Variants in PTPN11 observed in about 807,000 individuals in gnomAD.
The protein encoded by PTPN11 is protein tyrosine phosphatase non-receptor type 11.
A neutral mutation model predicts 78.8 loss-of-function variants in PTPN11; 6 were observed. The observed-to-expected ratio is 0.08, with a 90% CI of 0.04 to 0.15. The LOEUF is 0.15. Among genes scored for constraint, PTPN11 ranks in the 10% least tolerant of loss-of-function variants. The pLI is 1.00. For missense variants in PTPN11, 386 were observed against 744.8 expected (o/e 0.52, Z 5.61); for synonymous variants, 221 against 263.5 (o/e 0.84, Z 1.56).
rs375109762 is a variant in PTPN11 at position 112,488,526 on chromosome 12, G to T, written c.1447+16G>T. ...AGAGAGAAAGGTGGGTCATCTGGTG[G>T]GCAAGAAGCGACAGTTTCTGTTTTT... On this transcript the variant is annotated intron_variant, in intron 12 of 15. Coordinates refer to ENST00000351677, the MANE Select transcript of PTPN11 (RefSeq NM_002834.5). 4.4e-5 allele frequency: 70 copies of T among 1,584,926 alleles called. No individual in the cohort carries two copies. Among genetic ancestry groups the T allele is most frequent in the Non-Finnish European group, 5.7e-5 (66 of 1,153,554 alleles).
chr12:112,495,129 C>T (rs566479693), intron 13 of PTPN11, among the ~76,000 whole-genome samples: 19 of 152,274 alleles, frequency 1.2e-4, no homozygotes, highest in Non-Finnish European at 2.2e-4. Context: ...CATCCACTTT[C>T]CCCTGAAGTT....
At chr12:112,442,834 A>T (rs1210058612) in intron 1 of PTPN11, among the ~76,000 whole-genome samples, 3 of 22,506 alleles carry the variant, frequency 1.3e-4, no homozygotes, top group African/African-American at 5.5e-4. Context: ...CTCTTTTTAT[A>T]TATATATATA....
At chr12:112,439,030 A>G (rs2037840268) in intron 1 of PTPN11, among the ~76,000 whole-genome samples, 1 of 152,198 alleles carries the variant, frequency 6.6e-6, no homozygotes, top group South Asian at 2.1e-4. Flanking sequence ...GCACTCTTCT[A>G]GATACTTTAT....
intron 1 of PTPN11, among the ~76,000 whole-genome samples, chr12:112,441,289 T>A (rs2037886336): frequency 1.4e-5 from 2 of 146,912 alleles, no homozygotes; most frequent in East Asian, 2.0e-4. Context: ...TGAGAAGAGG[T>A]CTTGCTCGAT....
chr12:112,425,289 G>T (rs1230040994), intron 1 of PTPN11, among the ~76,000 whole-genome samples: 1 of 152,030 alleles, frequency 6.6e-6, no homozygotes. Flanking sequence ...GCATGCATTA[G>T]AACACTTTTC....
intron 9 of PTPN11, among the ~76,000 whole-genome samples, chr12:112,479,805 A>G (rs2038566139): frequency 6.6e-6 from 1 of 152,108 alleles, no homozygotes; most frequent in Non-Finnish European, 1.5e-5. Context: ...GCTCTCCTGG[A>G]TAGACAGGCA....
chr12:112,463,912 G>A (rs1018691823), intron 6 of PTPN11, among the ~76,000 whole-genome samples: 1 of 152,156 alleles, frequency 6.6e-6, no homozygotes, highest in Non-Finnish European at 1.5e-5. Context: ...TGGAACCAGC[G>A]AAATAAGGCT....
rs531512807 is a variant in PTPN11, at chr12:112,438,944, A to G, written c.15-7332A>G. Among the ~76,000 whole-genome samples the G allele has an allele frequency of 1.6e-4, 25 of 152,126 alleles. No homozygotes were observed. The South Asian group carries it at 4.8e-3, about 29-fold the overall frequency. ...CCTGGCTTGTTTTGTTTTTAATTCT[A>G]TGTTGTTTTTGAAGGATGTATGGGG... On this transcript the variant is annotated intron_variant, in intron 1 of 15. Coordinates refer to ENST00000351677, the MANE Select transcript of PTPN11 (RefSeq NM_002834.5).
At chr12:112,428,227 CTTGTTGA>C (rs898487162) in intron 1 of PTPN11, among the ~76,000 whole-genome samples, 13 of 152,216 alleles carry the variant, frequency 8.5e-5, no homozygotes, top group African/African-American at 2.9e-4. Flanking sequence ...TTGTAATAAA[CTTGTTGA>C]TAAACTCAAA....
chr12:112,459,788 T>C (rs1475072863), intron 6 of PTPN11, among the ~76,000 whole-genome samples: 1 of 151,856 alleles, frequency 6.6e-6, no homozygotes, highest in Non-Finnish European at 1.5e-5. Flanking sequence ...TCTTAACACA[T>C]CATTTCGTCT....
intron 13 of PTPN11, among the ~76,000 whole-genome samples, chr12:112,494,607 C>G (rs1485245235): frequency 6.6e-6 from 1 of 152,106 alleles, no homozygotes; most frequent in Non-Finnish European, 1.5e-5. Context: ...TTCTCCTTTC[C>G]CAGCCATTTT....
At chr12:112,466,962 G>C (rs902368842) in intron 6 of PTPN11, among the ~76,000 whole-genome samples, 7 of 152,062 alleles carry the variant, frequency 4.6e-5, no homozygotes, top group Non-Finnish European at 8.8e-5. Flanking sequence ...GCTGGGTCCA[G>C]TGGTTTTCAA....
chr12:112,445,336 T>G lies in PTPN11; in HGVS notation c.15-940T>G, dbSNP rs547259286. On this transcript the variant is annotated intron_variant, in intron 1 of 15. Transcript: ENST00000351677. ...TAGTAGAGATGGGGTTTCACCACAT[T>G]GGCCAGGATGGTCTTGAACTCCTGA... 2.1e-4 allele frequency among the ~76,000 whole-genome samples: 32 copies of G among 152,252 alleles called. No homozygotes were observed. In the South Asian group the frequency reaches 6.2e-3, roughly 30 times the overall value.
chr12:112,459,937 ACAC>A (rs2038224105), intron 6 of PTPN11, among the ~76,000 whole-genome samples: 1 of 151,730 alleles, frequency 6.6e-6, no homozygotes, highest in Non-Finnish European at 1.5e-5. Flanking sequence ...ACACACACAC[ACAC>A]ACTTGCAATT....
At chr12:112,447,394 T>C (rs985198927) in intron 2 of PTPN11, among the ~76,000 whole-genome samples, 2 of 152,230 alleles carry the variant, frequency 1.3e-5, no homozygotes, top group Non-Finnish European at 2.9e-5. Flanking sequence ...ATGAACAATA[T>C]AAAGTTGGTT....
chr12:112,424,573 G>T (rs1418176786), intron 1 of PTPN11, among the ~76,000 whole-genome samples: 1 of 152,142 alleles, frequency 6.6e-6, no homozygotes, highest in Non-Finnish European at 1.5e-5. Flanking sequence ...GTCTTTTTTG[G>T]AGGTAGTTTT....
intron 3 of PTPN11, 151 bp downstream of exon 3, chr12:112,450,663 A>G: frequency 1.3e-6 from 1 of 799,566 alleles, no homozygotes; most frequent in East Asian, 2.7e-5. Context: ...AAGTGAGACT[A>G]ATAGCATCAA....
chr12:112,456,705 C>T (rs1395648182), intron 6 of PTPN11, among the ~76,000 whole-genome samples: 1 of 151,966 alleles, frequency 6.6e-6, no homozygotes, highest in African/African-American at 2.4e-5. Flanking sequence ...AGTGATCCTC[C>T]TACTTAAGCT....
At position 112,486,347 on chromosome 12, in the gene PTPN11, GGACCT is replaced by G. The variant is rs2038675438; in HGVS notation, c.1225-127_1225-123del. ...ACGAGTTCTGGGAACCTCACGAAGA[GGACCT>G]TTCAGTGGAACCTGGGGAGATTCTC... On this transcript the variant is annotated intron_variant, in intron 10 of 15. Transcript: ENST00000351677. The G allele has an allele frequency of 1.7e-5, 17 of 984,476 alleles. No individual in the cohort carries two copies. The African/African-American group carries it at 2.7e-4, about 16-fold the overall frequency. 61.0% of individuals were successfully genotyped at this position (984,476 alleles called of 1,614,324 possible).
Sources: allele counts gnomAD v4.1 joint callset (sites outside exome capture counted in the v4.1 genomes callset), GRCh38; gene constraint gnomAD v4.1.1; transcripts MANE v1.5; gene names NCBI Gene and HGNC (gene_info 2026-07-23, HGNC 2026-07-21).